Variants in CYFIP1 observed in about 807,000 individuals in gnomAD.
The protein encoded by CYFIP1 is cytoplasmic FMR1-interacting protein 1.
CYFIP1 carries 58 observed loss-of-function variants against 163.5 expected under a neutral mutation model. The observed-to-expected ratio is 0.35, with a 90% CI of 0.29 to 0.44. The LOEUF (loss-of-function observed/expected upper bound fraction) is 0.44, where lower values mean the gene tolerates loss of function less well. Ranked by LOEUF, CYFIP1 falls within the 20% of genes least tolerant of loss-of-function variation. The probability of loss-of-function intolerance (pLI) is 1.00; values close to 1 mark genes in which losing one functional copy is unlikely to be tolerated. For synonymous variants in CYFIP1, 663 were observed against 660.7 expected, an observed-to-expected ratio of 1.00 and a Z score of -0.05; for missense variants, 1,338 against 1,653.8, an observed-to-expected ratio of 0.81 and a Z score of 3.31.
intron 14 of CYFIP1, among the ~76,000 whole-genome samples, chr15:22,918,180 GCCC>G (rs2061057888): frequency 6.6e-6 from 1 of 152,200 alleles, no homozygotes; most frequent in Non-Finnish European, 1.5e-5. Flanking sequence ...GCATCTGTTA[GCCC>G]AGGGCAGCAG....
intron 22 of CYFIP1, among the ~76,000 whole-genome samples, chr15:22,897,063 G>A (rs1432104597): frequency 1.3e-5 from 2 of 151,912 alleles, no homozygotes; most frequent in Non-Finnish European, 2.9e-5. Flanking sequence ...AAATACAAAA[G>A]TTAGCCAGGC....
rs1008474130 is a variant in CYFIP1, at chr15:22,951,520, A to T, written c.-6-4229T>A. 2.3e-6 allele frequency: 3 copies of T among 1,288,050 alleles called. No homozygotes were observed. The African/African-American group carries it at 4.6e-5, about 20-fold the overall frequency. 79.8% of individuals were successfully genotyped at this position (1,288,050 alleles called of 1,614,324 possible). On this transcript the variant is annotated intron_variant, in intron 1 of 30. Transcript: ENST00000617928. ...GCCTGAGGACGTGCTTCGGCCCCAT[A>T]GGGGCTGCCCGTGTCCTGCGACTCC... is the stretch of plus-strand genomic sequence containing the variant.
chr15:22,904,899 C>T (rs2060519090), intron 21 of CYFIP1: 1 of 152,184 alleles, frequency 6.6e-6, no homozygotes, highest in South Asian at 2.1e-4. Flanking sequence ...CCGCCAGCGC[C>T]CAGTGTCTGC....
At chr15:22,874,936 GC>G (rs1263285420) in intron 27 of CYFIP1, among the ~76,000 whole-genome samples, 6 of 152,018 alleles carry the variant, frequency 3.9e-5, no homozygotes, top group African/African-American at 1.5e-4. Context: ...TCAACTCATG[GC>G]CACTCTGCTT....
intron 1 of CYFIP1, among the ~76,000 whole-genome samples, chr15:22,965,727 A>C (rs2062879931): frequency 6.6e-6 from 1 of 152,212 alleles, no homozygotes; most frequent in Non-Finnish European, 1.5e-5. Flanking sequence ...AACAGGGATA[A>C]CGAATTAGGC....
rs1362257338 is a variant in CYFIP1 at position 22,868,459 on chromosome 15, G to GTAAT, written c.*1565_*1568dup. 2.6e-5 allele frequency: 4 copies of GTAAT among 151,584 alleles called. No homozygotes were observed. Among genetic ancestry groups the GTAAT allele is most frequent in the South Asian group, 2.1e-4 (1 of 4,828 alleles). The allele number at this position is 151,584 out of a possible 1,614,324, so 9.4% of individuals were successfully genotyped here. A position where few individuals can be genotyped will look rare whatever the true frequency, so the allele number is the denominator to read the frequency against. On this transcript the variant is annotated 3_prime_UTR_variant, in exon 31 of 31. Transcript: ENST00000617928. ...ATATAATTAAGCCTTATAAAACTTG[G>GTAAT]TAATTGATTAAGTTTTACCATAATT...
chr15:22,944,903 T>G lies in CYFIP1; in HGVS notation c.244A>C (p.Met82Leu), dbSNP rs2062008175. The G allele has an allele frequency of 1.2e-6, 2 of 1,614,006 alleles. No individual in the cohort carries two copies. The highest frequency in any genetic ancestry group is 1.7e-5 in the Admixed American group (1 of 60,002). Residue 82 changes from methionine (M) to leucine (L), a missense_variant, in exon 4 of 31, where the codon ATG becomes CTG. By Grantham distance (15) the Met-to-Leu change is conservative (BLOSUM62 2). This residue lies in a region of CYFIP1 where 186 missense variants were observed against 288.3 expected (regional missense o/e 0.65). Transcript: ENST00000617928. ...MLEEGQEYAV[M>L]LYTWRSCSRA... The stretch of plus-strand genomic sequence containing the variant: ...GAGCAGCTCCTCCAGGTGTACAGCA[T>G]GACAGCATATTCTTGGCCCTCCTCC...
chr15:22,867,340 T>TATTA lies in CYFIP1; in HGVS notation c.*2684_*2687dup, dbSNP rs2059169367. ...TGATTGGTTTTATTTTTGAAATATT[T>TATTA]ATTAAGGGAAAACTAAGTTACTGAA... is the stretch of plus-strand genomic sequence containing the variant. On this transcript the variant is annotated 3_prime_UTR_variant, in exon 31 of 31. Transcript: ENST00000617928. 1.0e-5 allele frequency: 4 copies of TATTA among 396,296 alleles called. No individual in the cohort carries two copies. The South Asian group carries it at 4.0e-4, about 39-fold the overall frequency. 24.5% of individuals were successfully genotyped at this position (396,296 alleles called of 1,614,324 possible).
rs201764583 is a variant in CYFIP1, at chr15:22,947,015, G to A, written c.195C>T (p.Val65=). ...ACCGCAACATTACCATGCTAGAGTGGACGGTGGCTTGTTCAATGTATCTTG... is the reference window on the plus strand; with the variant it reads ...ACCGCAACATTACCATGCTAGAGTGAACGGTGGCTTGTTCAATGTATCTTG... ...GIARYIEQAT[V]HSSMNEMLEE... Residue 65 remains valine, a synonymous_variant, in exon 3 of 31, where the codon GTC becomes GTT. Coordinates refer to ENST00000617928, the MANE Select transcript of CYFIP1 (RefSeq NM_014608.6). 1 of 1,613,818 alleles carries A rather than the reference G, an allele frequency of 6.2e-7. No individual in the cohort carries two copies. The highest frequency in any genetic ancestry group is 1.3e-5 in the African/African-American group (1 of 75,046).
chr15:22,901,354 T>C (rs1200653657), intron 22 of CYFIP1, among the ~76,000 whole-genome samples: 1 of 152,082 alleles, frequency 6.6e-6, no homozygotes. Flanking sequence ...TCAAATTATC[T>C]CCCTACAAAT....
intron 29 of CYFIP1, 151 bp from the exon 30 acceptor site, chr15:22,873,123 C>CA: frequency 1.2e-6 from 1 of 828,338 alleles, no homozygotes; most frequent in South Asian, 1.9e-5. Context: ...GAATGCCGGG[C>CA]AGCCAGGTGG....
intron 1 of CYFIP1, among the ~76,000 whole-genome samples, chr15:22,963,608 G>A (rs2062782298): frequency 6.6e-6 from 1 of 150,412 alleles, no homozygotes; most frequent in African/African-American, 2.4e-5. Context: ...TAAGGGAAAG[G>A]AATGGGAAAT....
intron 1 of CYFIP1, 63 bp from the exon 2 acceptor site, chr15:22,947,354 G>C: frequency 6.3e-7 from 1 of 1,581,680 alleles, no homozygotes; most frequent in African/African-American, 1.3e-5. Flanking sequence ...AACAAGCTTC[G>C]AGGTTGGGTA....
At chr15:22,950,894 A>AAGAG (rs140738108) in intron 1 of CYFIP1, among the ~76,000 whole-genome samples, 1 of 151,458 alleles carries the variant, frequency 6.6e-6, no homozygotes, top group African/African-American at 2.4e-5. Flanking sequence ...ACCAAAGGGC[A>AAGAG]AGAGAGAGAG....
At chr15:22,875,885 C>CATACATATATATATAT (rs56999943) in intron 26 of CYFIP1, among the ~76,000 whole-genome samples, 1 of 130,786 alleles carries the variant, frequency 7.6e-6, no homozygotes, top group Non-Finnish European at 1.6e-5. Flanking sequence ...TCCAGAATAA[C>CATACATATATATATAT]ATATATATAT....
chr15:22,912,507 G>T, intron 17 of CYFIP1: 1 of 439,064 alleles, frequency 2.3e-6, no homozygotes, highest in Non-Finnish European at 4.0e-6. Flanking sequence ...CTCACTGAAG[G>T]CCACACACGG....
intron 22 of CYFIP1, among the ~76,000 whole-genome samples, chr15:22,901,136 G>A (rs2060380665): frequency 6.6e-6 from 1 of 151,756 alleles, no homozygotes; most frequent in Non-Finnish European, 1.5e-5. Flanking sequence ...TCGGAAGGCA[G>A]AGGCTGCAAT....
chr15:22,907,622 T>C (rs900010582), intron 21 of CYFIP1, among the ~76,000 whole-genome samples: 21 of 152,228 alleles, frequency 1.4e-4, no homozygotes, highest in Admixed American at 1.0e-3. Flanking sequence ...GAAACGGACG[T>C]GTGGCCATGC....
chr15:22,979,583 G>T, intron 1 of CYFIP1, among the ~76,000 whole-genome samples: 1 of 152,302 alleles, frequency 6.6e-6, no homozygotes, highest in East Asian at 1.9e-4. Context: ...CTTAAAACAC[G>T]TTCCATCAAC....
Sources: allele counts gnomAD v4.1 joint callset (sites outside exome capture counted in the v4.1 genomes callset), GRCh38; gene constraint gnomAD v4.1.1; regional missense constraint gnomAD v4.1.1; transcripts MANE v1.5; gene names NCBI Gene and HGNC (gene_info 2026-07-23, HGNC 2026-07-21).